Variants in SH3TC1 observed in about 807,000 individuals in gnomAD.
SH3TC1 encodes SH3 domain and tetratricopeptide repeats 1, also known as SH3 domain and tetratricopeptide repeat-containing protein 1.
A neutral mutation model predicts 117.3 loss-of-function variants in SH3TC1; 135 were observed. The ratio of observed to expected loss-of-function variants is 1.15; its 90% CI spans 1.00 to 1.33. The LOEUF is 1.33. Among genes scored for constraint, SH3TC1 ranks in the 40% most tolerant of loss-of-function variants. The pLI is 0.00. For synonymous variants in SH3TC1, 898 were observed against 816.9 expected, an observed-to-expected ratio of 1.10 and a Z score of -1.69; for missense variants, 2,092 against 1,794.3, an observed-to-expected ratio of 1.17 and a Z score of -3.00.
chr4:8,232,526 C>T (rs772504798), intron 13 of SH3TC1: 1 of 1,379,918 alleles, frequency 7.2e-7, no homozygotes, highest in South Asian at 1.1e-5. Flanking sequence ...TCACCTGTCC[C>T]CTTAAATGTG....
rs548902084 is a variant in SH3TC1 at position 8,199,825 on chromosome 4, G to A, written c.-29+420G>A. 1.5e-4 allele frequency among the ~76,000 whole-genome samples: 23 copies of A among 152,294 alleles called. No individual in the cohort carries two copies. In the South Asian group the frequency reaches 3.7e-3, roughly 25 times the overall value. Reference sequence around the variant, plus strand: ...GCCACACTACCAGACCTACCAGGGCGAGCCCAGCGCCTCAGCCTCACCCGG... The same window carrying A: ...GCCACACTACCAGACCTACCAGGGCAAGCCCAGCGCCTCAGCCTCACCCGG... On this transcript the variant is annotated intron_variant, in intron 1 of 17. Transcript: ENST00000245105.
At chr4:8,216,892 G>A (rs1164762259) in intron 6 of SH3TC1, 65 bp from the exon 7 acceptor site, 2 of 1,532,732 alleles carry the variant, frequency 1.3e-6, no homozygotes, top group Middle Eastern at 3.4e-4. Flanking sequence ...GCAGGGGTGT[G>A]GGGGGCAGGG....
At chr4:8,221,303 CG>C (rs1719898709) in intron 9 of SH3TC1, among the ~76,000 whole-genome samples, 1 of 152,230 alleles carries the variant, frequency 6.6e-6, no homozygotes, top group Non-Finnish European at 1.5e-5. Flanking sequence ...AGAAGGATGA[CG>C]GGGCTGGGTG....
upstream of SH3TC1, among the ~76,000 whole-genome samples, chr4:8,198,758 C>T (rs533241142): frequency 6.6e-6 from 1 of 152,238 alleles, no homozygotes; most frequent in Non-Finnish European, 1.5e-5. Flanking sequence ...ATTGATGGAG[C>T]CAGTGGCCCG....
chr4:8,213,903 A>G (rs1399530654), intron 4 of SH3TC1, among the ~76,000 whole-genome samples: 4 of 140,278 alleles, frequency 2.9e-5, no homozygotes, highest in Non-Finnish European at 6.3e-5. Flanking sequence ...AAAAAAAAAA[A>G]GAAAGAAACG....
Position 8,228,519 on chromosome 4 carries a change from G to C in SH3TC1, c.2825G>C (p.Gly942Ala), listed in dbSNP as rs948224296. The change falls in exon 12 of 18, where the codon GGC becomes GCC. Residue 942 changes from glycine to alanine, a missense_variant. By Grantham distance (60) the Gly-to-Ala change is moderately conservative. Transcript: ENST00000245105. ...TCGAGGCTGCCCCTTGGGGAGTGTGGCCGGGACTTCACCCACGTGCTCCTG... is the reference window on the plus strand; with the variant it reads ...TCGAGGCTGCCCCTTGGGGAGTGTGCCCGGGACTTCACCCACGTGCTCCTG... The part of the protein sequence containing the change: ...LFSRLPLGEC[G>A]RDFTHVLLQL... 8 of 1,611,382 alleles carry C rather than the reference G, an allele frequency of 5.0e-6. No homozygotes were observed. The Admixed American group carries it at 1.0e-4, about 20-fold the overall frequency.
In SH3TC1 at chr4:8,206,639, A is replaced by C. The variant is rs1718233135; in HGVS notation, c.172+1273A>C. Among the ~76,000 whole-genome samples the C allele has an allele frequency of 2.0e-5, 3 of 151,394 alleles. No individual in the cohort carries two copies. Among genetic ancestry groups the C allele is most frequent in the African/African-American group, 7.3e-5 (3 of 41,162 alleles). ...GGACCGAGCGGAGGGGAGCTGAGGA[A>C]ACTTTCCCTGCTTGGCCAAGGGAAA... On this transcript the variant is annotated intron_variant, in intron 2 of 17. Transcript: ENST00000245105. This position sits in a 1 kb window ranked among gnomAD's most constrained non-coding sequence, Gnocchi z 5.5.
intron 3 of SH3TC1, among the ~76,000 whole-genome samples, chr4:8,211,079 G>C: frequency 9.6e-6 from 1 of 103,838 alleles, no homozygotes; most frequent in African/African-American, 4.0e-5. Context: ...CTCCCTCTGG[G>C]TTTCTCCCCC....
intron 14 of SH3TC1, among the ~76,000 whole-genome samples, chr4:8,234,546 C>T (rs1721631318): frequency 6.6e-6 from 1 of 151,540 alleles, no homozygotes; most frequent in African/African-American, 2.4e-5. Flanking sequence ...CATCCACCCA[C>T]CTATACATCT....
Position 8,205,481 on chromosome 4 carries a change from G to A in SH3TC1, c.172+115G>A. On this transcript the variant is annotated intron_variant, in intron 2 of 17. Transcript: ENST00000245105. This position sits in a 1 kb window ranked among gnomAD's most constrained non-coding sequence, Gnocchi z 5.4. ...CTGCCTCCAGGCCTCTTGGGGCTGG[G>A]GCTGGAGTCTGCTCTCCATCACTTC... is the stretch of plus-strand genomic sequence containing the variant. 1.5e-6 allele frequency: 2 copies of A among 1,366,502 alleles called. No individual in the cohort carries two copies. The highest frequency in any genetic ancestry group is 1.0e-6 in the Non-Finnish European group (1 of 960,736). The allele number at this position is 1,366,502 out of a possible 1,614,324, so 84.6% of individuals were successfully genotyped here. A position where few individuals can be genotyped will look rare whatever the true frequency, so the allele number is the denominator to read the frequency against.
In SH3TC1 at chr4:8,205,519, C is replaced by A; in HGVS notation, c.172+153C>A. 9.2e-7 allele frequency: 1 copy of A among 1,090,852 alleles called. No homozygotes were observed. The highest frequency in any genetic ancestry group is 1.5e-5 in the African/African-American group (1 of 64,958). The allele number at this position is 1,090,852 out of a possible 1,614,324, so 67.6% of individuals were successfully genotyped here. On this transcript the variant is annotated intron_variant, in intron 2 of 17. Coordinates refer to ENST00000245105, the MANE Select transcript of SH3TC1 (RefSeq NM_018986.5). The surrounding 1 kb of genome is among the most constrained non-coding windows in gnomAD (Gnocchi z 5.4). Reference sequence around the variant, plus strand: ...TCTCCATCACTTCTCGTTTCCTTCCCCCGCGTGTGTTTAACAGGAGCCACT... The same window carrying A: ...TCTCCATCACTTCTCGTTTCCTTCCACCGCGTGTGTTTAACAGGAGCCACT...
In SH3TC1 at chr4:8,228,292, C is replaced by T; in HGVS notation, c.2598C>T (p.Ala866=). ...GCGAGGACCAGGAGGGCGTGATTGC[C>T]AACATGGTGGCCGTGGCTCTGAAGA... The part of the protein sequence containing the change: ...VASEDQEGVI[A]NMVAVALKRT... Residue 866 remains alanine, a synonymous_variant, in exon 12 of 18, where the codon GCC becomes GCT. Coordinates refer to ENST00000245105, the MANE Select transcript of SH3TC1 (RefSeq NM_018986.5). The T allele has an allele frequency of 6.2e-7, 1 of 1,612,366 alleles. No homozygotes were observed. Among genetic ancestry groups the T allele is most frequent in the Non-Finnish European group, 8.5e-7 (1 of 1,179,900 alleles).
At chr4:8,208,240 C>T (rs1578660798) in intron 2 of SH3TC1, among the ~76,000 whole-genome samples, 1 of 152,220 alleles carries the variant, frequency 6.6e-6, no homozygotes, top group Non-Finnish European at 1.5e-5. Context: ...GCTCAAAATC[C>T]GAGCACACGT....
intron 5 of SH3TC1, among the ~76,000 whole-genome samples, chr4:8,215,554 C>G (rs1165919192): frequency 6.6e-6 from 1 of 152,206 alleles, no homozygotes; most frequent in Non-Finnish European, 1.5e-5. Context: ...AGAGTCCACT[C>G]TACGCTGAGT....
chr4:8,188,443 C>T (rs1272990277), intron 1 of SH3TC1, among the ~76,000 whole-genome samples: 10 of 152,254 alleles, frequency 6.6e-5, no homozygotes, highest in Admixed American at 3.3e-4. Flanking sequence ...CCCTCCCCTA[C>T]GCTGGCAGGT....
At chr4:8,218,248 A>T (rs756933443) in intron 7 of SH3TC1, 23 bp from the exon 8 acceptor site, 1 of 1,598,156 alleles carries the variant, frequency 6.3e-7, no homozygotes, top group Non-Finnish European at 8.6e-7. Flanking sequence ...CCCGCAGCAA[A>T]GACCTCCCTC....
At chr4:8,188,817 AG>A (rs1224573987) in intron 1 of SH3TC1, among the ~76,000 whole-genome samples, 3 of 152,204 alleles carry the variant, frequency 2.0e-5, no homozygotes, top group Non-Finnish European at 4.4e-5. Context: ...TGGCCCAACA[AG>A]GGGCTGCTGC....
rs1401140058 is a variant in SH3TC1 at position 8,227,156 on chromosome 4, G to C, written c.1462G>C (p.Glu488Gln). 6.2e-7 allele frequency: 1 copy of C among 1,608,636 alleles called. No homozygotes were observed. Among genetic ancestry groups the C allele is most frequent in the African/African-American group, 1.3e-5 (1 of 74,750 alleles). Residue 488 changes from glutamate to glutamine, a missense_variant, in exon 12 of 18, where the codon GAA (glutamate) becomes CAA (glutamine). By Grantham distance (29) the Glu-to-Gln change is conservative. Transcript: ENST00000245105. ...QDPEEPSFCL[E>Q]AEDDWEDPEA... Reference sequence around the variant, plus strand: ...CCCCGAGGAGCCCTCCTTCTGCTTGGAAGCCGAGGACGACTGGGAGGACCC... The same window carrying C: ...CCCCGAGGAGCCCTCCTTCTGCTTGCAAGCCGAGGACGACTGGGAGGACCC...
intron 9 of SH3TC1, 108 bp from the exon 10 acceptor site, chr4:8,222,732 G>C: frequency 7.2e-7 from 1 of 1,384,710 alleles, no homozygotes; most frequent in Non-Finnish European, 9.9e-7. Context: ...GCAGAGAGTA[G>C]TGCTCCGAGA....
Sources: allele counts gnomAD v4.1 joint callset (sites outside exome capture counted in the v4.1 genomes callset), GRCh38; gene constraint gnomAD v4.1.1; non-coding constraint Gnocchi (gnomAD v3.1); transcripts MANE v1.5; gene names NCBI Gene and HGNC (gene_info 2026-07-23, HGNC 2026-07-21).